SCML4: variants seen among roughly 807,000 people sequenced by gnomAD.
SCML4 encodes Scm polycomb group protein like 4.
Under a neutral mutation model 41.1 loss-of-function variants are expected in SCML4, and 34 were observed. That is an observed-to-expected ratio of 0.83 (90% CI 0.63 to 1.10). SCML4 has a LOEUF of 1.10. SCML4 is among the 50% of genes least tolerant of loss of function. The pLI is 0.00. For synonymous variants in SCML4, 214 were observed against 220.9 expected, an observed-to-expected ratio of 0.97 and a Z score of 0.28; for missense variants, 522 against 534.1, an observed-to-expected ratio of 0.98 and a Z score of 0.22.
At chr6:107,755,993 T>A (rs1053988140) in intron 2 of SCML4, among the ~76,000 whole-genome samples, 1 of 152,088 alleles carries the variant, frequency 6.6e-6, no homozygotes, top group Non-Finnish European at 1.5e-5. Context: ...GGATTATAAC[T>A]CAAAGTATGA....
At chr6:107,800,933 G>A (rs72935321) in intron 1 of SCML4, among the ~76,000 whole-genome samples, 26,802 of 152,234 alleles carry the variant, frequency 0.18, 2,923 homozygotes, top group South Asian at 0.27. Flanking sequence ...CCCAATATCA[G>A]TCAACTTGCC....
At chr6:107,836,205 G>C in the SCML4 span, among the ~76,000 whole-genome samples, 1 of 151,956 alleles carries the variant, frequency 6.6e-6, no homozygotes, top group Non-Finnish European at 1.5e-5. Context: ...CATACATCCT[G>C]TTAAGAAACC....
intron 2 of SCML4, among the ~76,000 whole-genome samples, chr6:107,756,228 A>C (rs1779097779): frequency 6.6e-6 from 1 of 152,174 alleles, no homozygotes; most frequent in Admixed American, 6.5e-5. Context: ...ATAACTTTAC[A>C]ATGGAGAAAC....
chr6:107,834,160 A>T, the SCML4 span, among the ~76,000 whole-genome samples: 1 of 152,144 alleles, frequency 6.6e-6, no homozygotes, highest in Non-Finnish European at 1.5e-5. Context: ...CACACAGTTC[A>T]CCCCATAGAA....
intron 1 of SCML4, among the ~76,000 whole-genome samples, chr6:107,789,340 G>A (rs963166797): frequency 2.0e-5 from 3 of 152,130 alleles, no homozygotes; most frequent in African/African-American, 7.2e-5. Flanking sequence ...GTGGGTAGAC[G>A]GGAGGGAAGC....
intron 1 of SCML4, among the ~76,000 whole-genome samples, chr6:107,779,760 C>CTTAG (rs1054491476): frequency 3.8e-4 from 58 of 152,152 alleles, no homozygotes; most frequent in Admixed American, 2.6e-4. Flanking sequence ...CTGCAAGCTG[C>CTTAG]TTAGGGCTGT....
In SCML4 at chr6:107,753,697, G is replaced by GA. The variant is rs1454481633; in HGVS notation, c.157-3885dup. 4.6e-5 allele frequency among the ~76,000 whole-genome samples: 7 copies of GA among 152,174 alleles called. No homozygotes were observed. In the South Asian group the frequency reaches 8.3e-4, roughly 18 times the overall value. On this transcript the variant is annotated intron_variant, in intron 2 of 7. Coordinates refer to ENST00000369020, the MANE Select transcript of SCML4 (RefSeq NM_198081.5). ...TTTGTTTTTTGTTTTTGAGATGGGA[G>GA]AAAAAATAGTGTTTTAATGCTGATT...
intron 6 of SCML4, among the ~76,000 whole-genome samples, chr6:107,712,514 C>T (rs1774325315): frequency 6.6e-6 from 1 of 151,930 alleles, no homozygotes; most frequent in Non-Finnish European, 1.5e-5. Flanking sequence ...GGGCTCTGTT[C>T]CTGGTACCTA....
chr6:107,713,261 A>G (rs147106835), intron 6 of SCML4, among the ~76,000 whole-genome samples: 50 of 152,332 alleles, frequency 3.3e-4, no homozygotes, highest in African/African-American at 7.9e-4. Flanking sequence ...CAACAGAGTC[A>G]TGTGGAGGAG....
chr6:107,705,321 A>G lies in SCML4; in HGVS notation c.1124T>C (p.Ile375Thr), dbSNP rs772296500. The change falls in exon 8 of 8, where the codon ATT becomes ACT. Residue 375 changes from isoleucine (I) to threonine (T), a missense_variant. By Grantham distance (89) the Ile-to-Thr change is moderately conservative. Transcript: ENST00000369020. ...PHVELFRKHE[I>T]DGNALLLLKS... ...CAGCAACAGCAGAGCGTTGCCATCA[A>G]TCTCCTGGTGGGATAGGATCAGAAG... is the stretch of plus-strand genomic sequence containing the variant. 18 of 1,551,702 alleles carry G rather than the reference A, an allele frequency of 1.2e-5. No individual in the cohort carries two copies. The highest frequency in any genetic ancestry group is 7.3e-5 in the East Asian group (3 of 40,928).
intron 2 of SCML4, among the ~76,000 whole-genome samples, chr6:107,758,907 A>G (rs1279515738): frequency 6.6e-6 from 1 of 152,168 alleles, no homozygotes; most frequent in Non-Finnish European, 1.5e-5. Context: ...CTTGGATTTT[A>G]TTCTATGAGT....
the SCML4 span, among the ~76,000 whole-genome samples, chr6:107,831,819 C>T: frequency 1.3e-5 from 2 of 151,978 alleles, no homozygotes; most frequent in East Asian, 1.9e-4. Context: ...TTTGGGAGGC[C>T]GAAGTGGGAG....
chr6:107,837,958 A>T, the SCML4 span, among the ~76,000 whole-genome samples: 1 of 129,664 alleles, frequency 7.7e-6, no homozygotes, highest in African/African-American at 3.0e-5. Flanking sequence ...CCCAGGTTGG[A>T]GTGCAGTGGC....
chr6:107,755,536 TA>T, intron 2 of SCML4: 1 of 1,113,262 alleles, frequency 9.0e-7, no homozygotes, highest in Non-Finnish European at 1.2e-6. Context: ...AGCTTTGCTC[TA>T]GTGTGATGCA....
At chr6:107,787,767 A>G (rs1202891969) in intron 1 of SCML4, among the ~76,000 whole-genome samples, 2 of 152,252 alleles carry the variant, frequency 1.3e-5, no homozygotes, top group African/African-American at 2.4e-5. Flanking sequence ...TCCATTCACC[A>G]GTCTTGCGGG....
At chr6:107,809,760 C>A (rs1011111207) in intron 1 of SCML4, among the ~76,000 whole-genome samples, 4 of 152,098 alleles carry the variant, frequency 2.6e-5, no homozygotes, top group Admixed American at 2.6e-4. Flanking sequence ...TGGAGATGTC[C>A]ATTAAAACAG....
chr6:107,739,093 T>C (rs563222370), intron 5 of SCML4, among the ~76,000 whole-genome samples: 101 of 152,344 alleles, frequency 6.6e-4, no homozygotes, highest in African/African-American at 2.4e-3. Flanking sequence ...CTAAGTTCTC[T>C]ACCTGGGAGA....
intron 1 of SCML4, among the ~76,000 whole-genome samples, chr6:107,789,957 C>T (rs765616194): frequency 6.6e-6 from 1 of 152,174 alleles, no homozygotes; most frequent in East Asian, 1.9e-4. Context: ...AATATTATTA[C>T]GTACTCCCAC....
In SCML4 at chr6:107,745,106, G is replaced by T; in HGVS notation, c.525C>A (p.Ser175Arg). ...ASFDGKQHLR[S>R]LPVVNSIGYV... ...AGCCGATGCTGTTCACCACAGGCAGGCTCCGCAGGTGCTGTTTGCCATCAA... is the reference window on the plus strand; with the variant it reads ...AGCCGATGCTGTTCACCACAGGCAGTCTCCGCAGGTGCTGTTTGCCATCAA... The change falls in exon 5 of 8, where the codon AGC becomes AGA. Residue 175 changes from serine to arginine, a missense_variant. Coordinates refer to ENST00000369020, the MANE Select transcript of SCML4 (RefSeq NM_198081.5). 6.2e-7 allele frequency: 1 copy of T among 1,604,126 alleles called. No individual in the cohort carries two copies.
Sources: allele counts gnomAD v4.1 joint callset (sites outside exome capture counted in the v4.1 genomes callset), GRCh38; gene constraint gnomAD v4.1.1; transcripts MANE v1.5; gene names NCBI Gene and HGNC (gene_info 2026-07-23, HGNC 2026-07-21).